The following PTPRE variants were observed in gnomAD, a reference collection of about 807,000 sequenced individuals.
The protein encoded by PTPRE is protein tyrosine phosphatase receptor type E, also known as receptor-type tyrosine-protein phosphatase epsilon.
PTPRE carries 51 observed loss-of-function variants against 102.0 expected under a neutral mutation model. The ratio of observed to expected loss-of-function variants is 0.50; its 90% CI spans 0.40 to 0.63. The LOEUF is 0.63. Ranked by LOEUF, PTPRE falls within the 30% of genes least tolerant of loss-of-function variation. The pLI is 0.00. For missense variants in PTPRE, 752 were observed against 915.1 expected, an observed-to-expected ratio of 0.82 and a Z score of 2.30; for synonymous variants, 345 against 348.2, an observed-to-expected ratio of 0.99 and a Z score of 0.10.
chr10:128,061,581 C>T (rs1849593332), intron 8 of PTPRE, 98 bp from the exon 9 acceptor site: 3 of 1,427,936 alleles, frequency 2.1e-6, no homozygotes, highest in African/African-American at 2.9e-5. Flanking sequence ...GCAAATTTTC[C>T]ATGGTGAATA....
intron 2 of PTPRE, among the ~76,000 whole-genome samples, chr10:128,037,759 G>C (rs752571675): frequency 3.3e-5 from 5 of 152,086 alleles, no homozygotes; most frequent in Non-Finnish European, 5.9e-5. Flanking sequence ...GCATTTGGTA[G>C]GCTCACAACA....
intron 11 of PTPRE, 121 bp downstream of exon 11, chr10:128,066,315 T>A: frequency 6.8e-7 from 1 of 1,474,878 alleles, no homozygotes. Context: ...GTCGCAGCCC[T>A]GGCTGAGAGG....
At chr10:127,975,171 A>G (rs532169037) in intron 1 of PTPRE, among the ~76,000 whole-genome samples, 1 of 152,052 alleles carries the variant, frequency 6.6e-6, no homozygotes, top group Non-Finnish European at 1.5e-5. Flanking sequence ...AAGCAGGGGG[A>G]CTGTGCTGTG....
At chr10:128,033,834 G>A (rs7080304) in intron 2 of PTPRE, among the ~76,000 whole-genome samples, 49,383 of 151,966 alleles carry the variant, frequency 0.32, 8,081 homozygotes, top group African/African-American at 0.35. Flanking sequence ...TAGTAGAGGC[G>A]GGGTTTTGCC....
chr10:127,950,886 G>A (rs1467926256), intron 1 of PTPRE, among the ~76,000 whole-genome samples: 1 of 150,884 alleles, frequency 6.6e-6, no homozygotes, highest in Non-Finnish European at 1.5e-5. Flanking sequence ...CACTAGGTCA[G>A]GAGATAGAGA....
At chr10:127,934,024 GCACACACACACACA>G (rs201565441) in intron 1 of PTPRE, 3 of 82,296 alleles carry the variant, frequency 3.6e-5, no homozygotes, top group East Asian at 3.4e-4. Context: ...CACCCCCCGC[GCACACACACACACA>G]CACACACACA....
chr10:127,978,917 A>G (rs1227449729), intron 1 of PTPRE, among the ~76,000 whole-genome samples: 2 of 152,174 alleles, frequency 1.3e-5, no homozygotes, highest in Non-Finnish European at 2.9e-5. Context: ...GCTACTCAGG[A>G]GGCTGAGGCA....
intron 6 of PTPRE, among the ~76,000 whole-genome samples, chr10:128,053,277 G>A (rs546092400): frequency 1.8e-3 from 270 of 152,082 alleles, no homozygotes; most frequent in Non-Finnish European, 3.1e-3. Flanking sequence ...AAAAAGGAAA[G>A]AAATGAAATG....
At chr10:128,051,138 C>A (rs1017622854) in intron 6 of PTPRE, among the ~76,000 whole-genome samples, 6 of 152,216 alleles carry the variant, frequency 3.9e-5, no homozygotes, top group African/African-American at 1.2e-4. Flanking sequence ...TCCCCTCCCC[C>A]ACCCTTCTCA....
intron 2 of PTPRE, among the ~76,000 whole-genome samples, chr10:128,018,872 T>TCACACA (rs71971604): frequency 6.6e-6 from 1 of 150,974 alleles, no homozygotes; most frequent in Non-Finnish European, 1.5e-5. Flanking sequence ...TCTCTCTCTC[T>TCACACA]CACACACACA....
At chr10:127,928,375 C>A (rs1048924535) in intron 1 of PTPRE, among the ~76,000 whole-genome samples, 5 of 152,162 alleles carry the variant, frequency 3.3e-5, no homozygotes, top group African/African-American at 1.2e-4. Flanking sequence ...GTGTTTGTTT[C>A]CTTGGAGCTT....
chr10:127,931,441 A>G (rs1463843134), intron 1 of PTPRE, among the ~76,000 whole-genome samples: 1 of 152,240 alleles, frequency 6.6e-6, no homozygotes, highest in Admixed American at 6.5e-5. Context: ...TTTTCTCGTG[A>G]CACGTCTACT....
intron 17 of PTPRE, among the ~76,000 whole-genome samples, chr10:128,075,306 G>A (rs1015299662): frequency 6.6e-6 from 1 of 152,078 alleles, no homozygotes; most frequent in Non-Finnish European, 1.5e-5. Flanking sequence ...TTTAAGTTCT[G>A]GAGACAAGTG....
intron 2 of PTPRE, among the ~76,000 whole-genome samples, chr10:128,036,306 C>G (rs959828087): frequency 6.6e-6 from 1 of 151,990 alleles, no homozygotes; most frequent in African/African-American, 2.4e-5. Flanking sequence ...GCACTTGCAG[C>G]CCACCTCCCC....
At chr10:127,976,419 C>T (rs1851184091) in intron 1 of PTPRE, among the ~76,000 whole-genome samples, 1 of 152,164 alleles carries the variant, frequency 6.6e-6, no homozygotes, top group Non-Finnish European at 1.5e-5. Context: ...AAGAGGGTGC[C>T]TCAACCGTGG....
intron 1 of PTPRE, among the ~76,000 whole-genome samples, chr10:127,936,531 G>A (rs1339550467): frequency 5.3e-5 from 8 of 152,116 alleles, no homozygotes. Context: ...CTTCTGTCTG[G>A]AAGTGACAGC....
chr10:128,066,036 C>T, intron 10 of PTPRE, 39 bp from the exon 11 acceptor site: 1 of 1,614,028 alleles, frequency 6.2e-7, no homozygotes, highest in African/African-American at 1.3e-5. Flanking sequence ...TGCATTGCAC[C>T]CACAGATCTA....
chr10:127,976,414 G>T (rs538307994), intron 1 of PTPRE, among the ~76,000 whole-genome samples: 216 of 152,292 alleles, frequency 1.4e-3, no homozygotes, highest in Non-Finnish European at 2.6e-3. Context: ...ATCCAAAGAG[G>T]GTGCCTCAAC....
intron 11 of PTPRE, among the ~76,000 whole-genome samples, chr10:128,067,040 T>A (rs1193320902): frequency 9.9e-6 from 1 of 100,678 alleles, no homozygotes; most frequent in African/African-American, 4.1e-5. Flanking sequence ...ATGCACATAC[T>A]CCCACACACA....
Sources: gnomAD v4.1 joint callset for allele counts (sites outside exome capture counted in the v4.1 genomes callset) on GRCh38, gnomAD v4.1.1 for gene constraint, MANE v1.5 for transcripts, NCBI Gene and HGNC (gene_info 2026-07-23, HGNC 2026-07-21) for gene names.